The following EFCAB13 variants were observed in gnomAD, a reference collection of about 807,000 sequenced individuals.
The protein encoded by EFCAB13 is EF-hand calcium binding domain 13, also known as EF-hand calcium-binding domain-containing protein 13.
Under a neutral mutation model 110.2 loss-of-function variants are expected in EFCAB13, and 91 were observed. That is an observed-to-expected ratio of 0.83 (90% CI 0.70 to 0.98). EFCAB13 has a LOEUF of 0.98. Ranked by LOEUF, EFCAB13 falls within the 50% of genes least tolerant of loss-of-function variation. The probability of loss-of-function intolerance (pLI) is 0.00; values close to 1 mark genes in which losing one functional copy is unlikely to be tolerated. For missense variants in EFCAB13, 968 were observed against 1,119.4 expected (o/e 0.86, Z 1.93); for synonymous variants, 323 against 369.9 (o/e 0.87, Z 1.45).
At chr17:47,397,033 TC>T (rs1850568718) in intron 17 of EFCAB13, among the ~76,000 whole-genome samples, 1 of 59,914 alleles carries the variant, frequency 1.7e-5, no homozygotes, top group Non-Finnish European at 3.5e-5. Flanking sequence ...CCCCTCCCCC[TC>T]CCCCTCCCCC....
chr17:47,340,098 A>C (rs1373000425), intron 5 of EFCAB13: 1 of 152,230 alleles, frequency 6.6e-6, no homozygotes, highest in Non-Finnish European at 1.5e-5. Flanking sequence ...ATTTAAGTCT[A>C]TGCGTTCAAA....
chr17:47,434,529 C>G (rs1905177586), intron 24 of EFCAB13, among the ~76,000 whole-genome samples: 1 of 152,002 alleles, frequency 6.6e-6, no homozygotes, highest in South Asian at 2.1e-4. Context: ...TCATTCTTCA[C>G]AGAACTAAAA....
chr17:47,380,301 ACTCCCACTTAT>A (rs2065639867), intron 14 of EFCAB13, among the ~76,000 whole-genome samples: 1 of 151,260 alleles, frequency 6.6e-6, no homozygotes, highest in South Asian at 2.1e-4. Context: ...TCATTGTTCA[ACTCCCACTTAT>A]GAGTGAGAAC....
At chr17:47,335,101 A>G in intron 4 of EFCAB13, 95 bp from the exon 5 acceptor site, 1 of 1,307,672 alleles carries the variant, frequency 7.6e-7, no homozygotes, top group South Asian at 1.7e-5. Flanking sequence ...TTTGAGAAAG[A>G]ATATCAATCT....
At chr17:47,325,269 C>T (rs529267851) in intron 2 of EFCAB13, among the ~76,000 whole-genome samples, 22 of 151,556 alleles carry the variant, frequency 1.5e-4, no homozygotes, top group East Asian at 1.4e-3. Flanking sequence ...CCTGCTTAGA[C>T]CCCCACCCCC....
At chr17:47,415,494 A>G (rs1008531520) in intron 23 of EFCAB13, among the ~76,000 whole-genome samples, 1 of 152,164 alleles carries the variant, frequency 6.6e-6, no homozygotes, top group Non-Finnish European at 1.5e-5. Context: ...ATAATATAAT[A>G]TAAAAATAAG....
chr17:47,380,786 A>G (rs2065642961), intron 14 of EFCAB13, among the ~76,000 whole-genome samples: 1 of 151,278 alleles, frequency 6.6e-6, no homozygotes, highest in Admixed American at 6.6e-5. Context: ...CTGGCATGAG[A>G]TGGTATCTCA....
At chr17:47,432,776 T>C (rs1439816452) in intron 24 of EFCAB13, among the ~76,000 whole-genome samples, 1 of 152,186 alleles carries the variant, frequency 6.6e-6, no homozygotes, top group African/African-American at 2.4e-5. Flanking sequence ...CCTTATATTT[T>C]AGATGTATCT....
At chr17:47,394,651 A>G (rs1234135012) in intron 16 of EFCAB13, among the ~76,000 whole-genome samples, 1 of 152,190 alleles carries the variant, frequency 6.6e-6, no homozygotes. Flanking sequence ...GTTAGTATGC[A>G]TTCTAAAAAT....
intron 16 of EFCAB13, 103 bp downstream of exon 16, chr17:47,394,202 C>A: frequency 1.5e-6 from 1 of 656,600 alleles, no homozygotes; most frequent in Non-Finnish European, 2.4e-6. Flanking sequence ...GCTAGTTATC[C>A]TGCAGGTCAT....
intron 6 of EFCAB13, among the ~76,000 whole-genome samples, 186 bp downstream of exon 6, chr17:47,342,218 G>A (rs753539649): frequency 3.3e-5 from 5 of 151,484 alleles, no homozygotes; most frequent in Non-Finnish European, 7.4e-5. Flanking sequence ...ATAGAACAAG[G>A]AATCTTTTCA....
chr17:47,360,550 C>T lies in EFCAB13; in HGVS notation c.662-828C>T, dbSNP rs919748275. Among the ~76,000 whole-genome samples, 9 of 152,212 alleles carry T rather than the reference C, an allele frequency of 5.9e-5. No individual in the cohort carries two copies. The South Asian group carries it at 6.2e-4, about 11-fold the overall frequency. On this transcript the variant is annotated intron_variant, in intron 9 of 24. Coordinates refer to ENST00000331493, the MANE Select transcript of EFCAB13 (RefSeq NM_152347.5). ...AGCCCTTTGTCAGATGAATAGGTTGCGAAAATTTTCTCCCATTTTGTAGTT... is the reference window on the plus strand; with the variant it reads ...AGCCCTTTGTCAGATGAATAGGTTGTGAAAATTTTCTCCCATTTTGTAGTT...
At chr17:47,367,229 T>G (rs2065552088) in intron 10 of EFCAB13, among the ~76,000 whole-genome samples, 1 of 152,236 alleles carries the variant, frequency 6.6e-6, no homozygotes, top group South Asian at 2.1e-4. Flanking sequence ...TAGCATTTCT[T>G]TGATTGGTTC....
In EFCAB13 at chr17:47,390,914, G is replaced by GTCTTA. The variant is rs150041083; in HGVS notation, c.1583-520_1583-519insTATCT. On this transcript the variant is annotated intron_variant, in intron 14 of 24. Coordinates refer to ENST00000331493, the MANE Select transcript of EFCAB13 (RefSeq NM_152347.5). ...TATATATGTGTATGTGTGTCTGTCTGTCTATCTATCTATCTGTCTATCTAT... is the reference window on the plus strand; with the variant it reads ...TATATATGTGTATGTGTGTCTGTCTGTCTTATCTATCTATCTATCTGTCTATCTAT... 2.1e-3 allele frequency among the ~76,000 whole-genome samples: 312 copies of GTCTTA among 150,262 alleles called. 4 individuals carry two copies. In the East Asian group the frequency reaches 0.022, roughly 10 times the overall value.
chr17:47,392,896 A>G (rs1397290243), intron 15 of EFCAB13, among the ~76,000 whole-genome samples: 1 of 152,238 alleles, frequency 6.6e-6, no homozygotes, highest in Non-Finnish European at 1.5e-5. Flanking sequence ...AGAATGAAAT[A>G]CAAGCCACAC....
At chr17:47,372,995 T>A (rs1376097357) in intron 11 of EFCAB13, among the ~76,000 whole-genome samples, 6 of 152,160 alleles carry the variant, frequency 3.9e-5, no homozygotes, top group Non-Finnish European at 8.8e-5. Flanking sequence ...TTCTTCTTTA[T>A]GTAAGTTTTC....
At chr17:47,435,064 C>G (rs1032877501) in intron 24 of EFCAB13, among the ~76,000 whole-genome samples, 13 of 152,062 alleles carry the variant, frequency 8.5e-5, no homozygotes, top group African/African-American at 3.1e-4. Flanking sequence ...TAAAAAGTTT[C>G]TGCAAAGCAA....
At chr17:47,439,065 C>T (rs1456833022) in intron 24 of EFCAB13, among the ~76,000 whole-genome samples, 1 of 151,038 alleles carries the variant, frequency 6.6e-6, no homozygotes, top group Non-Finnish European at 1.5e-5. Flanking sequence ...AGGGGACTCT[C>T]TTCTTATGGG....
At chr17:47,418,481 A>G (rs914545503) in intron 23 of EFCAB13, among the ~76,000 whole-genome samples, 1 of 152,234 alleles carries the variant, frequency 6.6e-6, no homozygotes, top group Non-Finnish European at 1.5e-5. Flanking sequence ...TATTCTGGAT[A>G]CTAGACCTTT....
Sources: gnomAD v4.1 joint callset for allele counts (sites outside exome capture counted in the v4.1 genomes callset) on GRCh38, gnomAD v4.1.1 for gene constraint, MANE v1.5 for transcripts, NCBI Gene and HGNC (gene_info 2026-07-23, HGNC 2026-07-21) for gene names.